The following PRDM16 variants were observed in gnomAD, a reference collection of about 807,000 sequenced individuals.
PRDM16 encodes histone-lysine N-methyltransferase PRDM16.
PRDM16 carries 23 observed loss-of-function variants against 110.6 expected under a neutral mutation model. The ratio of observed to expected loss-of-function variants is 0.21; its 90% confidence interval spans 0.15 to 0.29. The LOEUF is 0.29. PRDM16 is among the 10% of genes least tolerant of loss of function. PRDM16 has a pLI of 1.00. For synonymous variants in PRDM16, 799 were observed against 781.8 expected, an observed-to-expected ratio of 1.02 and a Z score of -0.37; for missense variants, 1,615 against 1,794.3, an observed-to-expected ratio of 0.90 and a Z score of 1.81.
At chr1:3,428,727 G>A (rs1210428879) in intron 14 of PRDM16, among the ~76,000 whole-genome samples, 4 of 152,202 alleles carry the variant, frequency 2.6e-5, no homozygotes, top group Non-Finnish European at 5.9e-5. Flanking sequence ...CTGCAGCCCC[G>A]TGAACCCCTG....
In PRDM16 at chr1:3,436,144, C is replaced by A. The variant is rs1638903159; in HGVS notation, c.*2333C>A. ...AAATTCAACCTCAGACATAAACACC[C>A]CATTTCTGTAAACCCAAATTATATG... On this transcript the variant is annotated 3_prime_UTR_variant, in exon 17 of 17. Coordinates refer to ENST00000270722, the MANE Select transcript of PRDM16 (RefSeq NM_022114.4). 1 of 230,936 alleles carries A rather than the reference C, an allele frequency of 4.3e-6. No individual in the cohort carries two copies. 14.3% of individuals were successfully genotyped at this position (230,936 alleles called of 1,614,324 possible).
At chr1:3,215,214 A>G (rs926450517) in intron 2 of PRDM16, among the ~76,000 whole-genome samples, 1 of 152,214 alleles carries the variant, frequency 6.6e-6, no homozygotes, top group African/African-American at 2.4e-5. Context: ...CTGCTAAGGA[A>G]TCTGTCATTC....
In PRDM16 at chr1:3,129,526, G is replaced by T. The variant is rs554990340; in HGVS notation, c.38-56599G>T. On this transcript the variant is annotated intron_variant, in intron 1 of 16. Transcript: ENST00000270722. ...GCTGAACCACAGGGGTGTCGTCCAG[G>T]GCTGCTGAGGGCACCTGGGAAAGGA... Among the ~76,000 whole-genome samples, 27 of 152,272 alleles carry T rather than the reference G, an allele frequency of 1.8e-4. No homozygotes were observed. The South Asian group carries it at 5.2e-3, about 29-fold the overall frequency.
At chr1:3,296,389 C>T (rs1641089677) in intron 3 of PRDM16, among the ~76,000 whole-genome samples, 1 of 152,262 alleles carries the variant, frequency 6.6e-6, no homozygotes, top group African/African-American at 2.4e-5. Context: ...GCAAACACTT[C>T]TCCTTCCTCC....
At chr1:3,151,905 C>G (rs963773362) in intron 1 of PRDM16, among the ~76,000 whole-genome samples, 1 of 152,238 alleles carries the variant, frequency 6.6e-6, no homozygotes, top group Non-Finnish European at 1.5e-5. Context: ...GCTTTTAAAT[C>G]TCAGAAATGG....
chr1:3,143,612 G>C lies in PRDM16; in HGVS notation c.38-42513G>C, dbSNP rs1272968904. 6.6e-6 allele frequency among the ~76,000 whole-genome samples: 1 copy of C among 152,118 alleles called. No homozygotes were observed. The highest frequency in any genetic ancestry group is 1.5e-5 in the Non-Finnish European group (1 of 68,032). ...CTGCCTCAGCCTCCTGAGTAGCTGG[G>C]ATTACAGGTGTGCACCACCACGCCC... On this transcript the variant is annotated intron_variant, in intron 1 of 16. Transcript: ENST00000270722. This position sits in a 1 kb window ranked among gnomAD's most constrained non-coding sequence, Gnocchi z 4.5.
At chr1:3,311,234 C>A (rs1057109171) in intron 3 of PRDM16, among the ~76,000 whole-genome samples, 1 of 152,210 alleles carries the variant, frequency 6.6e-6, no homozygotes, top group Non-Finnish European at 1.5e-5. Flanking sequence ...GCGGCGCTGC[C>A]GCCACTCCGA....
chr1:3,110,896 G>T (rs575396227), intron 1 of PRDM16, among the ~76,000 whole-genome samples: 1 of 152,180 alleles, frequency 6.6e-6, no homozygotes, highest in Non-Finnish European at 1.5e-5. Context: ...AGTCCTTGCC[G>T]CCTGATGCCC....
At chr1:3,405,183 C>T (rs940622617) in intron 7 of PRDM16, among the ~76,000 whole-genome samples, 20 of 152,202 alleles carry the variant, frequency 1.3e-4, no homozygotes, top group Admixed American at 9.2e-4. Flanking sequence ...GGGGCTGAGC[C>T]GAGCCTCCAC....
At position 3,144,108 on chromosome 1, in the gene PRDM16, G is replaced by A. The variant is rs148816794; in HGVS notation, c.38-42017G>A. On this transcript the variant is annotated intron_variant, in intron 1 of 16. Coordinates refer to ENST00000270722, the MANE Select transcript of PRDM16 (RefSeq NM_022114.4). ...GCCTGTGCAGACCCCAGCTTGGGGCGGAGGGACCTATCTGCCACCTGGACC... is the reference window on the plus strand; with the variant it reads ...GCCTGTGCAGACCCCAGCTTGGGGCAGAGGGACCTATCTGCCACCTGGACC... Among the ~76,000 whole-genome samples the A allele has an allele frequency of 4.0e-4, 61 of 152,314 alleles. No individual in the cohort carries two copies. In the East Asian group the frequency reaches 8.7e-3, roughly 22 times the overall value.
rs772579155 is a variant in PRDM16, at chr1:3,358,403, A to G, written c.439-26749A>G. On this transcript the variant is annotated intron_variant, in intron 3 of 16. Transcript: ENST00000270722. The surrounding 1 kb of genome is among the most constrained non-coding windows in gnomAD (Gnocchi z 4.0). ...GGTGGCAGCCATGGGGACTGATGGC[A>G]AAAGACCTCGGCGGGTACAGAAAAT... 6.8e-4 allele frequency among the ~76,000 whole-genome samples: 104 copies of G among 152,174 alleles called. No individual in the cohort carries two copies. The highest frequency in any genetic ancestry group is 1.2e-3 in the Non-Finnish European group (84 of 68,028).
intron 1 of PRDM16, among the ~76,000 whole-genome samples, chr1:3,071,797 ACAG>A (rs1641768894): frequency 1.3e-5 from 2 of 152,146 alleles, no homozygotes; most frequent in African/African-American, 4.8e-5. Flanking sequence ...TGGGCACAGA[ACAG>A]CAACCAGGCC....
At chr1:3,305,443 A>G (rs1005515768) in intron 3 of PRDM16, among the ~76,000 whole-genome samples, 4 of 152,164 alleles carry the variant, frequency 2.6e-5, no homozygotes, top group African/African-American at 9.7e-5. Flanking sequence ...CTAGGGCCCG[A>G]TCCATGGTTA....
intron 3 of PRDM16, among the ~76,000 whole-genome samples, chr1:3,367,194 G>T (rs927380274): frequency 6.6e-6 from 1 of 152,092 alleles, no homozygotes; most frequent in African/African-American, 2.4e-5. Context: ...TCTTGAACCC[G>T]GGAAGCAAAG....
rs192999578 is a variant in PRDM16, at chr1:3,390,261, T to C, written c.573+4975T>C. 6.6e-6 allele frequency among the ~76,000 whole-genome samples: 1 copy of C among 152,298 alleles called. No homozygotes were observed. Among genetic ancestry groups the C allele is most frequent in the Admixed American group, 6.5e-5 (1 of 15,304 alleles). ...TAGGGCAAGAATGTTGGTGGTGGGATGTCAACTGTCTAGTGGGGCTGAAGA... is the reference window on the plus strand; with the variant it reads ...TAGGGCAAGAATGTTGGTGGTGGGACGTCAACTGTCTAGTGGGGCTGAAGA... On this transcript the variant is annotated intron_variant, in intron 4 of 16. Coordinates refer to ENST00000270722, the MANE Select transcript of PRDM16 (RefSeq NM_022114.4). The surrounding 1 kb of genome is among the most constrained non-coding windows in gnomAD (Gnocchi z 5.0).
At chr1:3,335,116 C>T (rs985605445) in intron 3 of PRDM16, among the ~76,000 whole-genome samples, 2 of 152,178 alleles carry the variant, frequency 1.3e-5, no homozygotes, top group African/African-American at 2.4e-5. Flanking sequence ...TGAGAGAACT[C>T]GCTTCAAGGC....
At chr1:3,324,913 G>A (rs1022562393) in intron 3 of PRDM16, among the ~76,000 whole-genome samples, 1 of 152,154 alleles carries the variant, frequency 6.6e-6, no homozygotes, top group Admixed American at 6.5e-5. Context: ...GTCCAGGCCA[G>A]CGGACGCCCC....
At chr1:3,352,475 C>T (rs1642514042) in intron 3 of PRDM16, among the ~76,000 whole-genome samples, 1 of 152,218 alleles carries the variant, frequency 6.6e-6, no homozygotes, top group Non-Finnish European at 1.5e-5. Flanking sequence ...AGTAGCATTT[C>T]CGCCCTCCGC....
At chr1:3,116,853 C>T (rs1642973477) in intron 1 of PRDM16, among the ~76,000 whole-genome samples, 2 of 152,212 alleles carry the variant, frequency 1.3e-5, no homozygotes, top group South Asian at 4.1e-4. Flanking sequence ...TGCCTCCAGT[C>T]AGGCCCTCCA....
Sources: gnomAD v4.1 joint callset for allele counts (sites outside exome capture counted in the v4.1 genomes callset) on GRCh38, gnomAD v4.1.1 for gene constraint, Gnocchi (gnomAD v3.1) non-coding constraint, MANE v1.5 for transcripts, NCBI Gene and HGNC (gene_info 2026-07-23, HGNC 2026-07-21) for gene names.